Variants in GRIP1 observed in about 807,000 individuals in gnomAD.
GRIP1 encodes glutamate receptor interacting protein 1, also known as glutamate receptor-interacting protein 1.
Under a neutral mutation model 129.9 loss-of-function variants are expected in GRIP1, and 45 were observed. That is an observed-to-expected ratio of 0.35 (90% CI 0.27 to 0.44). The LOEUF (loss-of-function observed/expected upper bound fraction) is 0.44, where lower values mean the gene tolerates loss of function less well. GRIP1 is among the 20% of genes least tolerant of loss of function. The pLI is 1.00. For synonymous variants in GRIP1, 530 were observed against 520.8 expected, an observed-to-expected ratio of 1.02 and a Z score of -0.24; for missense variants, 1,196 against 1,396.8, an observed-to-expected ratio of 0.86 and a Z score of 2.29.
chr12:66,930,595 C>A (rs2041378493), intron 1 of GRIP1, among the ~76,000 whole-genome samples: 1 of 152,108 alleles, frequency 6.6e-6, no homozygotes, highest in African/African-American at 2.4e-5. Flanking sequence ...ATAGCGGAGA[C>A]TCTCCCCTCA....
intron 1 of GRIP1, among the ~76,000 whole-genome samples, chr12:67,011,907 C>A (rs888910090): frequency 3.3e-5 from 5 of 152,128 alleles, no homozygotes; most frequent in Admixed American, 2.0e-4. Context: ...AAAGAACAGG[C>A]CTTGCTGTGT....
chr12:66,958,971 T>C (rs2041883760), intron 1 of GRIP1, among the ~76,000 whole-genome samples: 1 of 152,230 alleles, frequency 6.6e-6, no homozygotes, highest in Non-Finnish European at 1.5e-5. Flanking sequence ...AATAATTTCC[T>C]ACGTAATAGA....
At chr12:66,799,784 A>C (rs1490096095) in intron 1 of GRIP1, among the ~76,000 whole-genome samples, 1 of 152,176 alleles carries the variant, frequency 6.6e-6, no homozygotes, top group Non-Finnish European at 1.5e-5. Flanking sequence ...TGGTTACATG[A>C]ATTTACCAAA....
intron 1 of GRIP1, among the ~76,000 whole-genome samples, chr12:66,928,397 C>T (rs2041331128): frequency 6.6e-6 from 1 of 152,168 alleles, no homozygotes; most frequent in Admixed American, 6.6e-5. Flanking sequence ...CTCTCTCTAA[C>T]CTTTGTGTTT....
At chr12:66,660,378 T>C (rs1433003817) in intron 1 of GRIP1, among the ~76,000 whole-genome samples, 1 of 152,166 alleles carries the variant, frequency 6.6e-6, no homozygotes, top group Non-Finnish European at 1.5e-5. Context: ...ATGTCATGGG[T>C]AAACCTTCAA....
In GRIP1 at chr12:67,032,936, ATTAT is replaced by A. The variant is rs143132355; in HGVS notation, c.58+36110_58+36113del. On this transcript the variant is annotated intron_variant, in intron 1 of 1. Transcript: ENST00000643019. Reference sequence around the variant, plus strand: ...TTAACAGGTAACCAATATAAAAATGATTATTTAAATAATTTACATTATTTTTTCT... The same window carrying A: ...TTAACAGGTAACCAATATAAAAATGATTAAATAATTTACATTATTTTTTCT... Among the ~76,000 whole-genome samples, 625 of 152,236 alleles carry A rather than the reference ATTAT, an allele frequency of 4.1e-3. 6 individuals are homozygous for A. Among genetic ancestry groups the A allele is most frequent in the African/African-American group, 0.014 (600 of 41,542 alleles).
rs76954215 is a variant in GRIP1, at chr12:66,900,396, T to C, written c.58+168654A>G. 4.7e-3 allele frequency among the ~76,000 whole-genome samples: 709 copies of C among 152,268 alleles called. 8 individuals carry two copies. The highest frequency in any genetic ancestry group is 0.016 in the African/African-American group (663 of 41,556). On this transcript the variant is annotated intron_variant, in intron 1 of 1. Transcript: ENST00000643019. ...CTATGTTAGGACAGAGGGCAAACAC[T>C]GCCATCACATCTATGAAGCAGGAAA...
At chr12:66,849,330 G>C (rs2039871845) in intron 1 of GRIP1, among the ~76,000 whole-genome samples, 1 of 152,132 alleles carries the variant, frequency 6.6e-6, no homozygotes, top group Non-Finnish European at 1.5e-5. Flanking sequence ...ACTCCAGCCA[G>C]CATCAATTCC....
chr12:66,771,765 A>G (rs921277174), intron 1 of GRIP1, among the ~76,000 whole-genome samples: 1 of 152,220 alleles, frequency 6.6e-6, no homozygotes, highest in Non-Finnish European at 1.5e-5. Context: ...GTAATGAATA[A>G]GAAATGTTAT....
chr12:66,624,466 G>A (rs2065401356), intron 1 of GRIP1, among the ~76,000 whole-genome samples: 1 of 152,096 alleles, frequency 6.6e-6, no homozygotes, highest in Admixed American at 6.6e-5. Context: ...AGAAATTCAT[G>A]ATTGGATAGA....
chr12:66,691,137 T>C (rs976223954), intron 1 of GRIP1, among the ~76,000 whole-genome samples: 4 of 152,220 alleles, frequency 2.6e-5, no homozygotes, highest in African/African-American at 9.6e-5. Flanking sequence ...ACTTCAGAAC[T>C]AACCTCCACC....
chr12:66,862,034 T>G (rs974968674), intron 1 of GRIP1, among the ~76,000 whole-genome samples: 3 of 152,058 alleles, frequency 2.0e-5, no homozygotes, highest in African/African-American at 7.2e-5. Context: ...TTAAAAAAAA[T>G]TAGGCAGATG....
intron 6 of GRIP1, among the ~76,000 whole-genome samples, chr12:66,516,745 G>A (rs1293369853): frequency 2.0e-5 from 3 of 152,164 alleles, no homozygotes; most frequent in African/African-American, 7.2e-5. Flanking sequence ...GAAACTCTTG[G>A]ACATTTTGTT....
intron 1 of GRIP1, among the ~76,000 whole-genome samples, chr12:66,830,107 T>C (rs1490026286): frequency 1.3e-5 from 2 of 152,216 alleles, no homozygotes; most frequent in African/African-American, 4.8e-5. Flanking sequence ...TTGGCCCTTA[T>C]AACACATCAG....
At chr12:66,918,525 TG>T (rs1390224178) in intron 1 of GRIP1, among the ~76,000 whole-genome samples, 3 of 152,148 alleles carry the variant, frequency 2.0e-5, no homozygotes, top group Non-Finnish European at 4.4e-5. Context: ...CCCCAACCAA[TG>T]ATATTCCCAA....
chr12:66,471,089 T>C (rs565907594), intron 7 of GRIP1, among the ~76,000 whole-genome samples: 62 of 152,302 alleles, frequency 4.1e-4, no homozygotes, highest in Non-Finnish European at 6.6e-4. Context: ...GAGCCCATAG[T>C]GTAGACCATA....
chr12:66,999,038 C>G (rs1247592857), intron 1 of GRIP1, among the ~76,000 whole-genome samples: 1 of 152,096 alleles, frequency 6.6e-6, no homozygotes, highest in African/African-American at 2.4e-5. Context: ...TCAAAAGCTG[C>G]CCACACCTCA....
chr12:67,029,517 T>A (rs11176545), intron 1 of GRIP1, among the ~76,000 whole-genome samples: 18,372 of 149,716 alleles, frequency 0.12, 1,196 homozygotes, highest in African/African-American at 0.15. Context: ...ATTTTGAGGT[T>A]GCAGTATGCT....
intron 1 of GRIP1, among the ~76,000 whole-genome samples, chr12:66,864,114 T>C (rs1223408926): frequency 1.3e-5 from 2 of 152,102 alleles, no homozygotes; most frequent in East Asian, 3.9e-4. Context: ...CTCTAAGCAC[T>C]TCACATGTGT....
Sources: allele counts gnomAD v4.1 joint callset (sites outside exome capture counted in the v4.1 genomes callset), GRCh38; gene constraint gnomAD v4.1.1; transcripts MANE v1.5; gene names NCBI Gene and HGNC (gene_info 2026-07-23, HGNC 2026-07-21).